MERTK: variants seen among roughly 807,000 people sequenced by gnomAD.
MERTK encodes the protein MER proto-oncogene, tyrosine kinase.
In MERTK, 69 loss-of-function variants were observed where a neutral mutation model predicts 99.3. The observed-to-expected ratio is 0.70, with a 90% CI of 0.57 to 0.85. MERTK has a LOEUF of 0.85. Ranked by LOEUF, MERTK falls within the 40% of genes least tolerant of loss-of-function variation. The probability of loss-of-function intolerance (pLI) is 0.00; values close to 1 mark genes in which losing one functional copy is unlikely to be tolerated. For synonymous variants in MERTK, 426 were observed against 467.6 expected (o/e 0.91, Z 1.15); for missense variants, 1,125 against 1,249.4 (o/e 0.90, Z 1.50).
intron 8 of MERTK, among the ~76,000 whole-genome samples, chr2:111,988,408 T>C (rs1301375381): frequency 6.6e-6 from 1 of 152,104 alleles, no homozygotes; most frequent in Non-Finnish European, 1.5e-5. Flanking sequence ...ACTCCATGAG[T>C]AGGTCAAATA....
intron 6 of MERTK, 86 bp from the exon 7 acceptor site, chr2:111,975,203 C>T: frequency 7.6e-7 from 1 of 1,308,498 alleles, no homozygotes; most frequent in Non-Finnish European, 1.1e-6. Flanking sequence ...GAGGAAGGGC[C>T]ACGTGCACCG....
At chr2:111,966,233 G>A (rs1685355898) in intron 5 of MERTK, among the ~76,000 whole-genome samples, 1 of 152,154 alleles carries the variant, frequency 6.6e-6, no homozygotes, top group African/African-American at 2.4e-5. Context: ...ATGAATTAAA[G>A]GTTGGGTACA....
At chr2:112,004,320 G>C (rs1351820015) in intron 13 of MERTK, among the ~76,000 whole-genome samples, 1 of 152,048 alleles carries the variant, frequency 6.6e-6, no homozygotes. Context: ...CAATTGCTGA[G>C]GCAGGGGTGA....
Position 112,009,969 on chromosome 2 carries a change from C to G in MERTK, c.1982C>G (p.Ser661Cys). ...TCAGGTGTGTGTATAGAAATGAGCTCTCAAGGCATCCCAAAGCCCATGGTA... is the reference window on the plus strand; with the variant it reads ...TCAGGTGTGTGTATAGAAATGAGCTGTCAAGGCATCCCAAAGCCCATGGTA... ...RLLGVCIEMS[S>C]QGIPKPMVIL... The change falls in exon 15 of 19, where the codon TCT (serine) becomes TGT (cysteine). Residue 661 changes from serine to cysteine, a missense_variant. Transcript: ENST00000295408. 6.2e-7 allele frequency: 1 copy of G among 1,613,286 alleles called. No individual in the cohort carries two copies. Among genetic ancestry groups the G allele is most frequent in the Non-Finnish European group, 8.5e-7 (1 of 1,179,318 alleles).
chr2:111,968,038 A>G (rs1685391346), intron 5 of MERTK, 99 bp from the exon 6 acceptor site: 4 of 857,022 alleles, frequency 4.7e-6, no homozygotes, highest in Non-Finnish European at 3.9e-6. Flanking sequence ...ATCTCAAGGA[A>G]CGAAAACAGG....
intron 7 of MERTK, among the ~76,000 whole-genome samples, chr2:111,977,226 C>T (rs1429511205): frequency 1.3e-5 from 2 of 150,952 alleles, no homozygotes. Context: ...TATTCAGCTC[C>T]TGTAGTCTGG....
chr2:111,957,696 G>A (rs1685175606), intron 4 of MERTK, among the ~76,000 whole-genome samples: 1 of 152,134 alleles, frequency 6.6e-6, no homozygotes, highest in South Asian at 2.1e-4. Flanking sequence ...TGTCTGGCTT[G>A]TAGTACATAC....
At chr2:111,956,154 C>T (rs1573598402) in intron 4 of MERTK, among the ~76,000 whole-genome samples, 1 of 152,126 alleles carries the variant, frequency 6.6e-6, no homozygotes, top group Non-Finnish European at 1.5e-5. Flanking sequence ...CTAGCTTTGG[C>T]ATGTAGACTG....
intron 16 of MERTK, 95 bp from the exon 17 acceptor site, chr2:112,021,327 C>A: frequency 1.3e-6 from 2 of 1,569,046 alleles, no homozygotes; most frequent in South Asian, 2.2e-5. Context: ...TTCTTTTGGT[C>A]AATTATCATA....
chr2:112,019,358 T>C (rs750130997), intron 15 of MERTK, 55 bp from the exon 16 acceptor site: 1 of 1,357,666 alleles, frequency 7.4e-7, no homozygotes, highest in Admixed American at 1.7e-5. Context: ...AGAAACTGCT[T>C]GCAAGTTTTC....
At chr2:111,997,520 G>C in intron 10 of MERTK, 44 bp downstream of exon 10, 1 of 1,601,266 alleles carries the variant, frequency 6.2e-7, no homozygotes. Context: ...GTATTGACAA[G>C]GTTGTTATAC....
At chr2:111,956,694 C>T (rs1236581563) in intron 4 of MERTK, among the ~76,000 whole-genome samples, 1 of 152,104 alleles carries the variant, frequency 6.6e-6, no homozygotes, top group Non-Finnish European at 1.5e-5. Flanking sequence ...AAGGTCTTCT[C>T]TGTCACCCAG....
At chr2:111,927,587 G>A (rs966897319) in intron 1 of MERTK, among the ~76,000 whole-genome samples, 6 of 152,134 alleles carry the variant, frequency 3.9e-5, no homozygotes, top group Non-Finnish European at 5.9e-5. Flanking sequence ...TAGGAGGATC[G>A]CTTGAGCCTA....
chr2:111,994,324 G>T lies in MERTK; in HGVS notation c.1370G>T (p.Cys457Phe), dbSNP rs1245959105. 1.2e-6 allele frequency: 2 copies of T among 1,614,030 alleles called. No individual in the cohort carries two copies. Among genetic ancestry groups the T allele is most frequent in the Non-Finnish European group, 1.7e-6 (2 of 1,180,032 alleles). The change falls in exon 9 of 19, where the codon TGC (cysteine) becomes TTC (phenylalanine). Residue 457 changes from cysteine (C) to phenylalanine (F), a missense_variant. Cys to Phe is a radical substitution (Grantham distance 205, BLOSUM62 -2). Coordinates refer to ENST00000295408, the MANE Select transcript of MERTK (RefSeq NM_006343.3). The stretch of plus-strand genomic sequence containing the variant: ...TCTGTTCAAGTCCACAATGCTACGT[G>T]CACAGTGAGGATTGCAGCCGTCACC... ...RISVQVHNAT[C>F]TVRIAAVTRG...
At chr2:111,916,967 C>T (rs950130525) in intron 1 of MERTK, among the ~76,000 whole-genome samples, 1 of 152,072 alleles carries the variant, frequency 6.6e-6, no homozygotes, top group Admixed American at 6.6e-5. Context: ...GGTGGCAGTT[C>T]CGGCTCCCCA....
chr2:111,952,888 C>A (rs528484336), intron 4 of MERTK, among the ~76,000 whole-genome samples: 24 of 152,342 alleles, frequency 1.6e-4, no homozygotes, highest in Admixed American at 5.9e-4. Flanking sequence ...ATATCACATA[C>A]ACACAGTATT....
At chr2:112,022,175 G>C in intron 17 of MERTK, 83 bp from the exon 18 acceptor site, 2 of 1,587,956 alleles carry the variant, frequency 1.3e-6, no homozygotes, top group Non-Finnish European at 8.6e-7. Flanking sequence ...CAGTGTTTAA[G>C]GAAATGACCT....
At chr2:111,971,580 T>C (rs536278824) in intron 6 of MERTK, among the ~76,000 whole-genome samples, 1 of 152,314 alleles carries the variant, frequency 6.6e-6, no homozygotes, top group African/African-American at 2.4e-5. Context: ...TATTTAGAAG[T>C]GTGTATTTAA....
intron 9 of MERTK, chr2:111,994,640 A>C: frequency 2.5e-5 from 13 of 516,890 alleles, no homozygotes; most frequent in South Asian, 2.3e-4. Flanking sequence ...TTTGCTGGGC[A>C]TGGTGGATCA....
Sources: gnomAD v4.1 joint callset for allele counts (sites outside exome capture counted in the v4.1 genomes callset) on GRCh38, gnomAD v4.1.1 for gene constraint, MANE v1.5 for transcripts, NCBI Gene and HGNC (gene_info 2026-07-23, HGNC 2026-07-21) for gene names.